SNX17: variants seen among roughly 807,000 people sequenced by gnomAD.
SNX17 encodes the protein sorting nexin-17.
A neutral mutation model predicts 64.3 loss-of-function variants in SNX17; 35 were observed. The ratio of observed to expected loss-of-function variants is 0.54; its 90% CI spans 0.42 to 0.72. SNX17 has a LOEUF of 0.72. SNX17 is among the 30% of genes least tolerant of loss of function. The pLI, the probability that SNX17 is intolerant of heterozygous loss-of-function variation, is 0.00. For synonymous variants in SNX17, 259 were observed against 230.2 expected, an observed-to-expected ratio of 1.13 and a Z score of -1.13; for missense variants, 538 against 610.0, an observed-to-expected ratio of 0.88 and a Z score of 1.24.
rs768974448 is a variant in SNX17 at position 27,375,744 on chromosome 2, G to C, written c.978+35G>C. ...GTTAGGAGGGGGAAGGGCCTGGGTTGGGGGCCCGGCAAGCCTTGAGCTTAG... is the reference window on the plus strand; with the variant it reads ...GTTAGGAGGGGGAAGGGCCTGGGTTCGGGGCCCGGCAAGCCTTGAGCTTAG... On this transcript the variant is annotated intron_variant, in intron 10 of 14. Transcript: ENST00000233575. This position sits in a 1 kb window ranked among gnomAD's most constrained non-coding sequence, Gnocchi z 4.1. 1 of 1,612,204 alleles carries C rather than the reference G, an allele frequency of 6.2e-7. No homozygotes were observed. Among genetic ancestry groups the C allele is most frequent in the Admixed American group, 1.7e-5 (1 of 60,004 alleles).
intron 7 of SNX17, 121 bp downstream of exon 7, chr2:27,374,554 C>A: frequency 8.1e-7 from 1 of 1,233,482 alleles, no homozygotes; most frequent in Non-Finnish European, 1.2e-6. Flanking sequence ...TTCTGCCAGG[C>A]CTCCCAAGCT....
intron 8 of SNX17, 130 bp from the exon 9 acceptor site, chr2:27,374,931 T>A: frequency 1.0e-6 from 1 of 959,576 alleles, no homozygotes; most frequent in Non-Finnish European, 1.6e-6. Context: ...GCTGACAAGA[T>A]CAAGGACTTA....
rs1287730171 is a variant in SNX17 at position 27,370,616 on chromosome 2, C to G, written c.-128C>G. 5 of 1,452,054 alleles carry G rather than the reference C, an allele frequency of 3.4e-6. No homozygotes were observed. The Admixed American group carries it at 1.0e-4, about 30-fold the overall frequency. The allele number at this position is 1,452,054 out of a possible 1,614,324, so 89.9% of individuals were successfully genotyped here. ...GAACCGACGTCCCACCGCCTTCCCA[C>G]ATCGGATCGCAGGGCTCCCAAAATG... On this transcript the variant is annotated 5_prime_UTR_variant, in exon 1 of 15. Coordinates refer to ENST00000233575, the MANE Select transcript of SNX17 (RefSeq NM_014748.4).
chr2:27,374,095 C>T lies in SNX17; in HGVS notation c.443C>T (p.Ala148Val), dbSNP rs1479043289. 6.2e-7 allele frequency: 1 copy of T among 1,614,050 alleles called. No homozygotes were observed. The highest frequency in any genetic ancestry group is 2.2e-5 in the East Asian group (1 of 44,894). ...TATCCCTATCCCCAGGCTGTAGCTG[C>T]AAAGCTGGATCTTCCAGATGACTTG... ...QTEDVLEAVA[A>V]KLDLPDDLIG... Residue 148 changes from alanine (A) to valine (V), a missense_variant, in exon 6 of 15, where the codon GCA becomes GTA. Ala to Val is a moderately conservative substitution (Grantham distance 64). Coordinates refer to ENST00000233575, the MANE Select transcript of SNX17 (RefSeq NM_014748.4).
intron 3 of SNX17, chr2:27,373,005 T>C (rs544667367): frequency 6.6e-7 from 1 of 1,514,986 alleles, no homozygotes; most frequent in East Asian, 2.5e-5. Context: ...TTGTATCTGA[T>C]GTGCTTTAGA....
chr2:27,374,795 G>A, intron 8 of SNX17, 37 bp downstream of exon 8: 2 of 1,586,096 alleles, frequency 1.3e-6, no homozygotes, highest in Non-Finnish European at 1.7e-6. Context: ...TTCCCCTGAA[G>A]AAAATAACGG....
At position 27,376,667 on chromosome 2, in the gene SNX17, G is replaced by T; in HGVS notation, c.1361G>T (p.Ser454Ile). ...IGSPSTDASA[S>I]DVHGNFAFEG... ...AGTCCCAGCACAGATGCCAGTGCCAGTGATGTCCACGGCAATTTCGCCTTC... is the reference window on the plus strand; with the variant it reads ...AGTCCCAGCACAGATGCCAGTGCCATTGATGTCCACGGCAATTTCGCCTTC... Residue 454 changes from serine (S) to isoleucine (I), a missense_variant, in exon 15 of 15, where the codon AGT becomes ATT. This residue lies in a region of SNX17 where 505 missense variants were observed against 550.4 expected (regional missense o/e 0.92). Transcript: ENST00000233575. 6.2e-7 allele frequency: 1 copy of T among 1,614,222 alleles called. No homozygotes were observed.
rs1169747715 is a variant in SNX17 at position 27,375,784 on chromosome 2, G to A, written c.979-62G>A. 1.6e-5 allele frequency: 26 copies of A among 1,609,782 alleles called. No individual in the cohort carries two copies. The African/African-American group carries it at 1.7e-4, about 11-fold the overall frequency. ...CTTGAGCTTAGGTATGGGCTGCAGCGGGTCAGGGAGCCAGACAGGTTGGTC... is the reference window on the plus strand; with the variant it reads ...CTTGAGCTTAGGTATGGGCTGCAGCAGGTCAGGGAGCCAGACAGGTTGGTC... On this transcript the variant is annotated intron_variant, in intron 10 of 14. Coordinates refer to ENST00000233575, the MANE Select transcript of SNX17 (RefSeq NM_014748.4). This position sits in a 1 kb window ranked among gnomAD's most constrained non-coding sequence, Gnocchi z 4.1.
At position 27,376,795 on chromosome 2, in the gene SNX17, C is replaced by T; in HGVS notation, c.*76C>T. The T allele has an allele frequency of 7.8e-7, 1 of 1,274,574 alleles. No homozygotes were observed. The highest frequency in any genetic ancestry group is 1.1e-6 in the Non-Finnish European group (1 of 885,798). The allele number at this position is 1,274,574 out of a possible 1,614,324, so 79.0% of individuals were successfully genotyped here. ...TTGCCCTGTGCCTGTGTCCCCCATG[C>T]TAGGGGCGGAGGGGTCTTTTCCTTC... On this transcript the variant is annotated 3_prime_UTR_variant, in exon 15 of 15. Transcript: ENST00000233575.
chr2:27,374,936 G>C, intron 8 of SNX17, 125 bp from the exon 9 acceptor site: 1 of 942,088 alleles, frequency 1.1e-6, no homozygotes, highest in South Asian at 1.4e-5. Context: ...CAAGATCAAG[G>C]ACTTACTGCA....
At chr2:27,374,991 G>A in intron 8 of SNX17, 70 bp from the exon 9 acceptor site, 3 of 1,402,692 alleles carry the variant, frequency 2.1e-6, no homozygotes, top group East Asian at 2.3e-5. Context: ...CTGGACAGAG[G>A]TAATGGTAGA....
intron 2 of SNX17, 43 bp downstream of exon 2, chr2:27,371,386 C>T (rs372732567): frequency 2.2e-5 from 35 of 1,582,200 alleles, no homozygotes; most frequent in Non-Finnish European, 2.8e-5. Flanking sequence ...CAAGCCCTTC[C>T]CTACACGTGG....
chr2:27,374,521 C>A, intron 7 of SNX17, 88 bp downstream of exon 7: 1 of 1,350,464 alleles, frequency 7.4e-7, no homozygotes, highest in South Asian at 1.2e-5. Context: ...ATAATCTGGA[C>A]AAGGGGGTGT....
At position 27,374,391 on chromosome 2, in the gene SNX17, C is replaced by T. The variant is rs748111594; in HGVS notation, c.569C>T (p.Thr190Ile). The change falls in exon 7 of 15, where the codon ACC (threonine) becomes ATC (isoleucine). Residue 190 changes from threonine (T) to isoleucine (I), a missense_variant. Thr to Ile is a moderately conservative substitution (Grantham distance 89). Coordinates refer to ENST00000233575, the MANE Select transcript of SNX17 (RefSeq NM_014748.4). Reference protein sequence around the residue: ...QEFELPYVSVTSLRSQEYKIV... With the variant: ...QEFELPYVSVISLRSQEYKIV... ...TTTGAGCTGCCTTATGTGTCTGTCA[C>T]CAGCCTTCGGAGTCAAGAGTATAAG... is the stretch of plus-strand genomic sequence containing the variant. 4 of 1,613,860 alleles carry T rather than the reference C, an allele frequency of 2.5e-6. No homozygotes were observed. The highest frequency in any genetic ancestry group is 1.7e-6 in the Non-Finnish European group (2 of 1,179,980).
chr2:27,373,021 A>G, intron 3 of SNX17: 1 of 1,540,936 alleles, frequency 6.5e-7, no homozygotes. Flanking sequence ...TTAGATTAAC[A>G]TCATTGTTAT....
At chr2:27,371,189 C>G in intron 1 of SNX17, 80 bp from the exon 2 acceptor site, 1 of 1,316,910 alleles carries the variant, frequency 7.6e-7, no homozygotes, top group East Asian at 2.3e-5. Flanking sequence ...GGCGAGTTGC[C>G]AGGCAACTTC....
At chr2:27,373,547 G>A (rs946260079) in intron 4 of SNX17, 15 of 542,990 alleles carry the variant, frequency 2.8e-5, no homozygotes, top group African/African-American at 1.7e-4. Context: ...ATTTTTAGTG[G>A]AGACGGGGTT....
chr2:27,374,800 T>C (rs1237330048), intron 8 of SNX17, 42 bp downstream of exon 8: 2 of 1,578,718 alleles, frequency 1.3e-6, no homozygotes, highest in Admixed American at 1.7e-5. Flanking sequence ...CTGAAGAAAA[T>C]AACGGGTGAC....
Position 27,371,337 on chromosome 2 carries a change from C to G in SNX17, c.132C>G (p.His44Gln). ...RVRYSQLLGLHEQLRKEYGAN... is the reference protein window; with the variant it reads ...RVRYSQLLGLQEQLRKEYGAN... ...GCTACAGCCAGCTCCTGGGGCTGCA[C>G]GAGCAGGTGGGACTAGCACCCCTGC... Residue 44 changes from histidine to glutamine, a missense_variant, in exon 2 of 15, where the codon CAC (histidine) becomes CAG (glutamine). Around this residue, in one of 3 missense-constraint regions of SNX17, gnomAD observed 505 missense variants for 550.4 expected, o/e 0.92. Transcript: ENST00000233575. 1.2e-6 allele frequency: 2 copies of G among 1,611,782 alleles called. No homozygotes were observed. Among genetic ancestry groups the G allele is most frequent in the Non-Finnish European group, 1.7e-6 (2 of 1,179,690 alleles).
Sources: gnomAD v4.1 joint callset for allele counts on GRCh38, gnomAD v4.1.1 for gene constraint, gnomAD v4.1.1 regional missense constraint, Gnocchi (gnomAD v3.1) non-coding constraint, MANE v1.5 for transcripts, NCBI Gene and HGNC (gene_info 2026-07-23, HGNC 2026-07-21) for gene names.